Variants in OOEP observed in about 807,000 individuals in gnomAD.
The protein encoded by OOEP is oocyte-expressed protein homolog.
A neutral mutation model predicts 13.7 loss-of-function variants in OOEP; 16 were observed. The ratio of observed to expected loss-of-function variants is 1.16; its 90% confidence interval spans 0.79 to 1.77. OOEP has a LOEUF of 1.77. Ranked by LOEUF, OOEP falls within the 40% of genes most tolerant of loss-of-function variation. The probability of loss-of-function intolerance (pLI) is 0.00; values close to 1 mark genes in which losing one functional copy is unlikely to be tolerated. For missense variants in OOEP, 195 were observed against 193.1 expected (o/e 1.01, Z -0.06); for synonymous variants, 89 against 77.1 (o/e 1.15, Z -0.81).
At chr6:73,380,882 C>T (rs2150781386) in intron 2 of OOEP, among the ~76,000 whole-genome samples, 1 of 152,224 alleles carries the variant, frequency 6.6e-6, no homozygotes, top group Non-Finnish European at 1.5e-5. Flanking sequence ...GGCACAGTGG[C>T]TCACGCTTGT....
upstream of OOEP, chr6:73,370,026 G>C: frequency 3.6e-6 from 2 of 552,916 alleles, no homozygotes; most frequent in Non-Finnish European, 6.5e-6. Context: ...CCTTGAACTA[G>C]TATTCATTTG....
At position 73,382,153 on chromosome 6, in the gene OOEP, T is replaced by TC. The variant is rs1769218176; in HGVS notation, c.25+12192dup. ...GCCTTAACCTCCCAGGCTCAAGTGA[T>TC]CCCCCCGCCTCAGCCTCCCTAGTAC... On this transcript the variant is annotated intron_variant, in intron 2 of 3. Coordinates refer to the OOEP transcript ENST00000370363. Among the ~76,000 whole-genome samples the TC allele has an allele frequency of 8.1e-5, 12 of 149,018 alleles. No homozygotes were observed. The South Asian group carries it at 2.4e-3, about 29-fold the overall frequency.
chr6:73,394,578 G>A (rs1313324091), intron 1 of OOEP: 9 of 395,438 alleles, frequency 2.3e-5, no homozygotes, highest in East Asian at 1.4e-4. Context: ...CAAATTGGGC[G>A]TTTGGAAAAA....
At chr6:73,381,794 G>A (rs964298692) in intron 2 of OOEP, among the ~76,000 whole-genome samples, 3 of 152,042 alleles carry the variant, frequency 2.0e-5, no homozygotes, top group African/African-American at 7.2e-5. Flanking sequence ...CAGCCTGGCC[G>A]ACATGGCGAA....
At chr6:73,379,178 C>A (rs964776844) in intron 2 of OOEP, among the ~76,000 whole-genome samples, 1 of 151,756 alleles carries the variant, frequency 6.6e-6, no homozygotes, top group Non-Finnish European at 1.5e-5. Context: ...GCGTGCGCCA[C>A]CACGTCCAGC....
At chr6:73,394,836 C>G in exon 1 of OOEP, 2 of 1,574,554 alleles carry the variant, frequency 1.3e-6, no homozygotes, top group Non-Finnish European at 1.7e-6. Context: ...GCACGCTACT[C>G]TTACGACGTC....
chr6:73,388,862 A>G (rs1041324137), intron 2 of OOEP, among the ~76,000 whole-genome samples: 1 of 152,168 alleles, frequency 6.6e-6, no homozygotes, highest in African/African-American at 2.4e-5. Flanking sequence ...CCGAGAGCCA[A>G]GGGTGCGGTG....
At chr6:73,389,520 T>C (rs1467176324) in intron 2 of OOEP, among the ~76,000 whole-genome samples, 1 of 152,090 alleles carries the variant, frequency 6.6e-6, no homozygotes, top group African/African-American at 2.4e-5. Context: ...GGATAATAGA[T>C]TCCACCGCTT....
rs371444069 is a variant in OOEP at position 73,377,020 on chromosome 6, T to C, written c.26-7635A>G. On this transcript the variant is annotated intron_variant, in intron 2 of 3. Coordinates refer to the OOEP transcript ENST00000370363. Reference sequence around the variant, plus strand: ...AAAATTTATTGTTGGTGAGATGCCCTATGGTTCTTTGGCTACATCCTTATA... The same window carrying C: ...AAAATTTATTGTTGGTGAGATGCCCCATGGTTCTTTGGCTACATCCTTATA... 2.2e-3 allele frequency among the ~76,000 whole-genome samples: 341 copies of C among 152,328 alleles called. 5 individuals are homozygous for C. The highest frequency in any genetic ancestry group is 7.8e-3 in the African/African-American group (326 of 41,582).
At chr6:73,390,012 T>C (rs1769326397) in intron 2 of OOEP, among the ~76,000 whole-genome samples, 1 of 151,952 alleles carries the variant, frequency 6.6e-6, no homozygotes, top group Non-Finnish European at 1.5e-5. Flanking sequence ...TGAAACCCGG[T>C]CTCTACTGAA....
At chr6:73,379,668 T>G (rs564989085) in intron 2 of OOEP, among the ~76,000 whole-genome samples, 1 of 137,312 alleles carries the variant, frequency 7.3e-6, no homozygotes, top group African/African-American at 2.6e-5. Flanking sequence ...AAAAGTGGCC[T>G]TATTTTACAT....
At chr6:73,387,811 T>G (rs951382342) in intron 2 of OOEP, 1 of 152,174 alleles carries the variant, frequency 6.6e-6, no homozygotes, top group African/African-American at 2.4e-5. Flanking sequence ...CCCTTCTAAA[T>G]CATGGCTCCA....
rs182879364 is a variant in OOEP, at chr6:73,393,866, G to C, written c.25+480C>G. On this transcript the variant is annotated intron_variant, in intron 2 of 3. Coordinates refer to the OOEP transcript ENST00000370363. The stretch of plus-strand genomic sequence containing the variant: ...GCAAACATCCAGAAGACTGTGTAGA[G>C]CAATGAATGTCTCTCAAGCCAGTGA... 8.6e-4 allele frequency among the ~76,000 whole-genome samples: 130 copies of C among 151,936 alleles called. 4 individuals are homozygous for C. In the South Asian group the frequency reaches 0.01, roughly 12 times the overall value.
chr6:73,370,117 T>C (rs1582623427), upstream of OOEP: 6 of 319,730 alleles, frequency 1.9e-5, no homozygotes, highest in East Asian at 3.2e-4. Flanking sequence ...TCTGCCCACC[T>C]TATAGCTGAT....
Position 73,369,399 on chromosome 6 carries a change from G to C in OOEP, c.191-14C>G. On this transcript the variant is annotated splice_polypyrimidine_tract_variant and intron_variant, in intron 1 of 2. Transcript: ENST00000370359. ...CTCGGTCTGGGCCTAAACAAGTAAGGAAAAACTCTGAGGGGCTGCACGGTG... is the reference window on the plus strand; with the variant it reads ...CTCGGTCTGGGCCTAAACAAGTAAGCAAAAACTCTGAGGGGCTGCACGGTG... 3 of 1,604,832 alleles carry C rather than the reference G, an allele frequency of 1.9e-6. No individual in the cohort carries two copies. The highest frequency in any genetic ancestry group is 1.7e-6 in the Non-Finnish European group (2 of 1,175,814).
chr6:73,382,518 A>G (rs1769224880), intron 2 of OOEP, among the ~76,000 whole-genome samples: 2 of 151,608 alleles, frequency 1.3e-5, no homozygotes, highest in South Asian at 4.2e-4. Context: ...GCCTGGCCAC[A>G]CCTGGCTAAT....
rs190298280 is a variant in OOEP at position 73,386,433 on chromosome 6, A to G, written c.25+7913T>C. 6.1e-3 allele frequency among the ~76,000 whole-genome samples: 798 copies of G among 131,376 alleles called. 9 individuals carry two copies. The highest frequency in any genetic ancestry group is 0.028 in the Admixed American group (377 of 13,644). The allele number at this position is 131,376 out of a possible 152,430, so 86.2% of individuals were successfully genotyped here. A position where few individuals can be genotyped will look rare whatever the true frequency, so the allele number is the denominator to read the frequency against. ...CTATGTAGGAAATCCTAAGGAATCC[A>G]CCAAAAAATAAACAAACAAATAGAA... is the stretch of plus-strand genomic sequence containing the variant. On this transcript the variant is annotated intron_variant, in intron 2 of 3. Coordinates refer to the OOEP transcript ENST00000370363.
upstream of OOEP, chr6:73,373,135 A>G (rs1038960830): frequency 2.8e-4 from 444 of 1,608,744 alleles, 3 homozygotes; most frequent in Non-Finnish European, 1.5e-4. Flanking sequence ...TTCTTCTCCA[A>G]TGTCTCCTTT....
intron 2 of OOEP, among the ~76,000 whole-genome samples, chr6:73,380,409 G>C (rs1403725710): frequency 6.6e-6 from 1 of 152,044 alleles, no homozygotes; most frequent in Non-Finnish European, 1.5e-5. Flanking sequence ...CAATGCTAAT[G>C]AGTGTTCATA....
Sources: allele counts gnomAD v4.1 joint callset (sites outside exome capture counted in the v4.1 genomes callset), GRCh38; gene constraint gnomAD v4.1.1; transcripts MANE v1.5; gene names NCBI Gene and HGNC (gene_info 2026-07-23, HGNC 2026-07-21).